Variants in NUP210 observed in about 807,000 individuals in gnomAD.
NUP210 encodes the protein nucleoporin 210.
NUP210 carries 151 observed loss-of-function variants against 196.0 expected under a neutral mutation model. The ratio of observed to expected loss-of-function variants is 0.77; its 90% CI spans 0.67 to 0.88. NUP210 has a LOEUF of 0.88. Among genes scored for constraint, NUP210 ranks in the 40% least tolerant of loss-of-function variants. The pLI, the probability that NUP210 is intolerant of heterozygous loss-of-function variation, is 0.00. For synonymous variants in NUP210, 1,070 were observed against 1,052.7 expected (o/e 1.02, Z -0.32); for missense variants, 2,314 against 2,493.7 (o/e 0.93, Z 1.53).
At position 13,325,822 on chromosome 3, in the gene NUP210, G is replaced by A. The variant is rs1388827142; in HGVS notation, c.4617C>T (p.Val1539=). 8.1e-6 allele frequency: 13 copies of A among 1,613,858 alleles called. No homozygotes were observed. The highest frequency in any genetic ancestry group is 4.0e-5 in the African/African-American group (3 of 75,048). Residue 1539 remains valine (V), a synonymous_variant, in exon 33 of 40, where the codon GTC becomes GTT. Coordinates refer to ENST00000254508, the MANE Select transcript of NUP210 (RefSeq NM_024923.4). ...AVGSVTVYYE[V]AGHLRTYKEV... ...CCTTGTAGGTCCTCAGGTGCCCAGC[G>A]ACCTCATAGTAAACCGTCACGGATC...
At position 13,386,200 on chromosome 3, in the gene NUP210, TTGTTACATGTATG is replaced by T. The variant is rs1417836980; in HGVS notation, c.817+62_817+74del. 94 of 1,525,438 alleles carry T rather than the reference TTGTTACATGTATG, an allele frequency of 6.2e-5. 1 individual carries two copies. The highest frequency in any genetic ancestry group is 7.8e-5 in the Non-Finnish European group (88 of 1,127,028). The allele number at this position is 1,525,438 out of a possible 1,614,324, so 94.5% of individuals were successfully genotyped here. On this transcript the variant is annotated intron_variant, in intron 6 of 39. Coordinates refer to ENST00000254508, the MANE Select transcript of NUP210 (RefSeq NM_024923.4). ...TTAAAAATGGTTAAGATGGTAAATT[TTGTTACATGTATG>T]TAACCACAATAAAAAAAGGAGGAAG...
Position 13,319,958 on chromosome 3 carries a change from C to T in NUP210, c.5188G>A (p.Val1730Met), listed in dbSNP as rs773034259. 40 of 1,613,812 alleles carry T rather than the reference C, an allele frequency of 2.5e-5. 1 individual carries two copies. The highest frequency in any genetic ancestry group is 1.8e-4 in the East Asian group (8 of 44,890). Residue 1730 changes from valine (V) to methionine (M), a missense_variant, in exon 37 of 40, where the codon GTG becomes ATG. Physicochemically the swap from Val to Met is conservative, Grantham distance 21. Coordinates refer to ENST00000254508, the MANE Select transcript of NUP210 (RefSeq NM_024923.4). ...NLEVKSGSPA[V>M]LAFAKEKSFG... ...GACTTCTCCTTTGCGAATGCCAGCACGGCCGGGGACCCGGATTTCACCTGG... is the reference window on the plus strand; with the variant it reads ...GACTTCTCCTTTGCGAATGCCAGCATGGCCGGGGACCCGGATTTCACCTGG...
intron 28 of NUP210, 69 bp downstream of exon 28, chr3:13,335,385 C>A: frequency 6.4e-7 from 1 of 1,553,424 alleles, no homozygotes; most frequent in Non-Finnish European, 8.8e-7. Context: ...AACATGTGGC[C>A]CCGAAGGAAG....
intron 9 of NUP210, among the ~76,000 whole-genome samples, chr3:13,377,127 C>T (rs975659119): frequency 6.6e-6 from 1 of 152,156 alleles, no homozygotes; most frequent in African/African-American, 2.4e-5. Flanking sequence ...CTCTGAGGTC[C>T]CCAGCTTGGG....
intron 16 of NUP210, among the ~76,000 whole-genome samples, chr3:13,357,597 C>A (rs1178149027): frequency 6.6e-6 from 1 of 152,132 alleles, no homozygotes; most frequent in Non-Finnish European, 1.5e-5. Flanking sequence ...CAGAGGATGT[C>A]CCATGTCCCT....
chr3:13,322,101 G>A, intron 35 of NUP210, 92 bp downstream of exon 35: 9 of 1,461,456 alleles, frequency 6.2e-6, no homozygotes, highest in Middle Eastern at 1.8e-4. Context: ...TGGACAGACG[G>A]CCATGGTGAG....
chr3:13,419,207 G>T (rs1433677181), intron 1 of NUP210, among the ~76,000 whole-genome samples: 1 of 152,214 alleles, frequency 6.6e-6, no homozygotes, highest in African/African-American at 2.4e-5. Flanking sequence ...GGGTGGGAAG[G>T]GCGGAAGCCC....
chr3:13,367,131 G>C (rs1698565857), intron 13 of NUP210, among the ~76,000 whole-genome samples: 1 of 143,850 alleles, frequency 7.0e-6, no homozygotes, highest in African/African-American at 2.6e-5. Flanking sequence ...TGTCTCAAAA[G>C]AAAAATAAAA....
chr3:13,332,334 T>C lies in NUP210; in HGVS notation c.3894A>G (p.Ile1298Met), dbSNP rs375652396. ...LLNPEIEAEQ[I>M]LMSPNSYIKL... ...TTATATATGAGTTGGGCGACATTAA[T>C]ATTTGTTCTGCTTCTATTTCAGGGT... The change falls in exon 29 of 40, where the codon ATA (isoleucine) becomes ATG (methionine). Residue 1298 changes from isoleucine to methionine, a missense_variant. Ile to Met is a conservative substitution (Grantham distance 10, BLOSUM62 1). Transcript: ENST00000254508. The C allele has an allele frequency of 6.2e-7, 1 of 1,613,820 alleles. No individual in the cohort carries two copies. Among genetic ancestry groups the C allele is most frequent in the Admixed American group, 1.7e-5 (1 of 60,002 alleles).
intron 13 of NUP210, among the ~76,000 whole-genome samples, chr3:13,367,177 C>G (rs1276929476): frequency 6.6e-6 from 1 of 151,832 alleles, no homozygotes; most frequent in African/African-American, 2.4e-5. Context: ...TGGCTCACAC[C>G]TGCAATCCCA....
chr3:13,338,022 C>A (rs191632967), intron 25 of NUP210, 105 bp from the exon 26 acceptor site: 2 of 1,019,980 alleles, frequency 2.0e-6, no homozygotes, highest in Admixed American at 2.3e-5. Context: ...GAGTCTGTGG[C>A]GAGAAGGCCC....
At chr3:13,413,993 G>A (rs1700263070) in intron 1 of NUP210, among the ~76,000 whole-genome samples, 1 of 152,232 alleles carries the variant, frequency 6.6e-6, no homozygotes, top group Non-Finnish European at 1.5e-5. Context: ...ACTGTCGCAT[G>A]AGGCCCCACT....
Position 13,325,818 on chromosome 3 carries a change from C to G in NUP210, c.4621G>C (p.Gly1541Arg), listed in dbSNP as rs1696726308. The G allele has an allele frequency of 2.5e-6, 4 of 1,613,804 alleles. No individual in the cohort carries two copies. The East Asian group carries it at 8.9e-5, about 36-fold the overall frequency. ...GSVTVYYEVA[G>R]HLRTYKEVVV... ...ACCTCCTTGTAGGTCCTCAGGTGCC[C>G]AGCGACCTCATAGTAAACCGTCACG... Residue 1541 changes from glycine (G) to arginine (R), a missense_variant, in exon 33 of 40, where the codon GGG becomes CGG. By Grantham distance (125) the Gly-to-Arg change is moderately radical. Coordinates refer to ENST00000254508, the MANE Select transcript of NUP210 (RefSeq NM_024923.4).
Position 13,353,925 on chromosome 3 carries a change from CT to C in NUP210, c.2510del (p.Lys837ArgfsTer51). On this transcript the variant is annotated frameshift_variant, in exon 17 of 40. Transcript: ENST00000254508. LOFTEE classifies it high-confidence loss of function. Reference sequence around the variant, plus strand: ...TTGTGCCCAGCTCACCGTGCAGCTTCTTTTGGCCACTCTCATCGTCCTGGGA... The same window carrying C: ...TTGTGCCCAGCTCACCGTGCAGCTTCTTTGGCCACTCTCATCGTCCTGGGA... ...LVSQDDESGQ[K>X]KLHGLQAILV... 1 of 1,608,396 alleles carries C rather than the reference CT, an allele frequency of 6.2e-7. No homozygotes were observed. The highest frequency in any genetic ancestry group is 8.5e-7 in the Non-Finnish European group (1 of 1,177,370).
intron 16 of NUP210, among the ~76,000 whole-genome samples, chr3:13,355,050 T>A (rs1698121833): frequency 6.6e-6 from 1 of 152,224 alleles, no homozygotes. Flanking sequence ...CAGCTCCACC[T>A]CTCAGTGCCC....
At chr3:13,324,875 C>T (rs1036252731) in intron 33 of NUP210, among the ~76,000 whole-genome samples, 5 of 152,230 alleles carry the variant, frequency 3.3e-5, no homozygotes, top group African/African-American at 1.2e-4. Flanking sequence ...CTGAGCACCA[C>T]CCTAGGGGCT....
chr3:13,374,178 C>A (rs1236031988), intron 11 of NUP210, among the ~76,000 whole-genome samples: 1 of 152,118 alleles, frequency 6.6e-6, no homozygotes, highest in Non-Finnish European at 1.5e-5. Context: ...TCACCACTCA[C>A]ACCCACAGTG....
At chr3:13,365,877 G>A in intron 14 of NUP210, 69 bp downstream of exon 14, 1 of 1,544,336 alleles carries the variant, frequency 6.5e-7, no homozygotes, top group Non-Finnish European at 8.9e-7. Context: ...ATTCGTCAGA[G>A]CAAATGGGTA....
In NUP210 at chr3:13,348,962, A is replaced by G. The variant is rs1262057038; in HGVS notation, c.2835+2917T>C. ...TAGAGATCTCTATTTTCTCTTGAAA[A>G]TCAGAAGCTCTTGCCTCACAGGCCC... On this transcript the variant is annotated intron_variant, in intron 20 of 39. Transcript: ENST00000254508. The surrounding 1 kb of genome is among the most constrained non-coding windows in gnomAD (Gnocchi z 4.0). 1.1e-6 allele frequency: 1 copy of G among 949,592 alleles called. No homozygotes were observed. The highest frequency in any genetic ancestry group is 1.3e-6 in the Non-Finnish European group (1 of 797,290). The allele number at this position is 949,592 out of a possible 1,614,324, so 58.8% of individuals were successfully genotyped here. A position where few individuals can be genotyped will look rare whatever the true frequency, so the allele number is the denominator to read the frequency against.
Sources: gnomAD v4.1 joint callset for allele counts (sites outside exome capture counted in the v4.1 genomes callset) on GRCh38, gnomAD v4.1.1 for gene constraint, Gnocchi (gnomAD v3.1) non-coding constraint, MANE v1.5 for transcripts, NCBI Gene and HGNC (gene_info 2026-07-23, HGNC 2026-07-21) for gene names.